Variants in TTC23 observed in about 807,000 individuals in gnomAD.
The protein encoded by TTC23 is tetratricopeptide repeat domain 23, also known as tetratricopeptide repeat protein 23.
Under a neutral mutation model 55.1 loss-of-function variants are expected in TTC23, and 58 were observed. The ratio of observed to expected loss-of-function variants is 1.05; its 90% CI spans 0.85 to 1.31. TTC23 has a LOEUF of 1.31. TTC23 is among the 50% of genes most tolerant of loss of function. The probability of loss-of-function intolerance (pLI) is 0.00; values close to 1 mark genes in which losing one functional copy is unlikely to be tolerated. For synonymous variants in TTC23, 203 were observed against 199.9 expected (o/e 1.02, Z -0.13); for missense variants, 516 against 534.4 (o/e 0.97, Z 0.34).
intron 12 of TTC23, chr15:99,148,385 A>AAAAAAAAAAAAAAC (rs1555495125): frequency 6.8e-6 from 1 of 146,176 alleles, no homozygotes; most frequent in Non-Finnish European, 1.5e-5. Flanking sequence ...AAAAAAAAAA[A>AAAAAAAAAAAAAAC]AAGACCTTCT....
chr15:99,156,404 G>T, intron 11 of TTC23, 107 bp from the exon 12 acceptor site: 2 of 1,339,346 alleles, frequency 1.5e-6, no homozygotes, highest in Non-Finnish European at 2.1e-6. Context: ...CACGAGCTGA[G>T]CCTGTTCTCC....
chr15:99,191,778 G>T (rs2075271197), intron 9 of TTC23, among the ~76,000 whole-genome samples: 1 of 152,208 alleles, frequency 6.6e-6, no homozygotes, highest in South Asian at 2.1e-4. Flanking sequence ...CAAAAATGTG[G>T]AAGTGACTTT....
chr15:99,220,961 GCCTGCTTCT>G (rs1176781482), intron 6 of TTC23, among the ~76,000 whole-genome samples: 2 of 152,174 alleles, frequency 1.3e-5, no homozygotes, highest in East Asian at 3.8e-4. Context: ...TGTGGCGAAG[GCCTGCTTCT>G]CCTTCAGGAT....
chr15:99,147,087 G>A (rs992575839), intron 12 of TTC23, among the ~76,000 whole-genome samples: 1 of 148,712 alleles, frequency 6.7e-6, no homozygotes, highest in African/African-American at 2.5e-5. Context: ...GCTAATTTTT[G>A]TATTTTTAGT....
intron 10 of TTC23, among the ~76,000 whole-genome samples, chr15:99,174,818 T>A (rs1292620042): frequency 6.6e-6 from 1 of 152,182 alleles, no homozygotes; most frequent in Non-Finnish European, 1.5e-5. Flanking sequence ...TGGATAGAGA[T>A]TGGCTGTATT....
chr15:99,240,878 C>CA (rs923242640), intron 3 of TTC23, among the ~76,000 whole-genome samples: 8 of 151,424 alleles, frequency 5.3e-5, no homozygotes, highest in African/African-American at 9.7e-5. Flanking sequence ...GTTCAAATGC[C>CA]AAAAAAAATG....
intron 9 of TTC23, among the ~76,000 whole-genome samples, chr15:99,188,386 C>T (rs1462156327): frequency 1.3e-5 from 2 of 151,986 alleles, no homozygotes; most frequent in African/African-American, 4.8e-5. Flanking sequence ...CTTGAAAATA[C>T]TCTGGAATTA....
chr15:99,236,385 G>C (rs531214525), intron 3 of TTC23, among the ~76,000 whole-genome samples: 1 of 152,032 alleles, frequency 6.6e-6, no homozygotes, highest in African/African-American at 2.4e-5. Flanking sequence ...CTAATGACCA[G>C]AGATCCTCAA....
chr15:99,179,831 T>C (rs376792024), intron 9 of TTC23, among the ~76,000 whole-genome samples: 5 of 152,230 alleles, frequency 3.3e-5, no homozygotes, highest in East Asian at 1.9e-4. Context: ...GTGACACAGA[T>C]TGAGAACCAC....
rs56890685 is a variant in TTC23 at position 99,204,632 on chromosome 15, G to GTTTTTTTTTTTTTTTTT, written c.582-4553_582-4537dup. On this transcript the variant is annotated intron_variant, in intron 8 of 13. Transcript: ENST00000394132. ...TCAGAGTTTCAGTCTTAGATTTAAGGTTTTTTTTTTTTTTTTTTTTTTTAG... is the reference window on the plus strand; with the variant it reads ...TCAGAGTTTCAGTCTTAGATTTAAGGTTTTTTTTTTTTTTTTTTTTTTTTTTTTTTTTTTTTTTTTAG... 3.0e-4 allele frequency among the ~76,000 whole-genome samples: 18 copies of GTTTTTTTTTTTTTTTTT among 60,892 alleles called. 1 individual carries two copies. Among genetic ancestry groups the GTTTTTTTTTTTTTTTTT allele is most frequent in the Non-Finnish European group, 4.0e-4 (14 of 35,218 alleles). 39.9% of individuals were successfully genotyped at this position (60,892 alleles called of 152,430 possible). A position where few individuals can be genotyped will look rare whatever the true frequency, so the allele number is the denominator to read the frequency against.
chr15:99,163,831 C>A (rs2071702661), intron 10 of TTC23, among the ~76,000 whole-genome samples: 1 of 152,170 alleles, frequency 6.6e-6, no homozygotes, highest in South Asian at 2.1e-4. Flanking sequence ...GGTCAGGCAC[C>A]AAATCTACCA....
At chr15:99,180,713 G>A (rs111317611) in intron 9 of TTC23, among the ~76,000 whole-genome samples, 162 of 152,276 alleles carry the variant, frequency 1.1e-3, no homozygotes, top group African/African-American at 3.8e-3. Context: ...TGGGGGTTAG[G>A]GAAATATATT....
At chr15:99,142,044 T>C (rs1463041368) in intron 12 of TTC23, among the ~76,000 whole-genome samples, 1 of 152,174 alleles carries the variant, frequency 6.6e-6, no homozygotes, top group African/African-American at 2.4e-5. Flanking sequence ...AGCTGCTCAT[T>C]CCATGGGGTT....
At chr15:99,167,866 T>A (rs1261184096) in intron 10 of TTC23, among the ~76,000 whole-genome samples, 4 of 152,168 alleles carry the variant, frequency 2.6e-5, no homozygotes, top group Non-Finnish European at 5.9e-5. Context: ...TAGTCCCTAC[T>A]CTGTACCAAC....
intron 8 of TTC23, among the ~76,000 whole-genome samples, chr15:99,200,311 T>C (rs1476882803): frequency 1.3e-5 from 2 of 152,190 alleles, no homozygotes; most frequent in African/African-American, 2.4e-5. Flanking sequence ...GCTTCACCAC[T>C]GACTAGATGT....
At chr15:99,247,844 A>AGGATGATGAAAATTTTCTAAAT in intron 1 of TTC23, among the ~76,000 whole-genome samples, 1 of 50,164 alleles carries the variant, frequency 2.0e-5, no homozygotes, top group African/African-American at 9.0e-5. Flanking sequence ...ATTTTCTAAA[A>AGGATGATGAAAATTTTCTAAAT]TTGGAATGTG....
intron 6 of TTC23, 65 bp downstream of exon 6, chr15:99,221,676 A>T: frequency 6.2e-7 from 1 of 1,601,756 alleles, no homozygotes; most frequent in Non-Finnish European, 8.5e-7. Flanking sequence ...TTAAGTGTGA[A>T]TCAAATTTTG....
intron 11 of TTC23, chr15:99,159,864 T>G (rs1462322589): frequency 1.3e-5 from 2 of 152,248 alleles, no homozygotes; most frequent in African/African-American, 4.8e-5. Flanking sequence ...AGATAGGAAC[T>G]TGTTAGAGCG....
intron 2 of TTC23, among the ~76,000 whole-genome samples, chr15:99,242,086 C>G (rs188775971): frequency 1.0e-3 from 151 of 149,918 alleles, no homozygotes; most frequent in African/African-American, 3.6e-3. Flanking sequence ...GAGCTGAGAT[C>G]ACACCACTGC....
Sources: allele counts gnomAD v4.1 joint callset (sites outside exome capture counted in the v4.1 genomes callset), GRCh38; gene constraint gnomAD v4.1.1; transcripts MANE v1.5; gene names NCBI Gene and HGNC (gene_info 2026-07-23, HGNC 2026-07-21).